LINGO2: variants seen among roughly 807,000 people sequenced by gnomAD.
LINGO2 encodes the protein leucine rich repeat and Ig domain containing 2, also known as leucine-rich repeat and immunoglobulin-like domain-containing nogo receptor-interacting protein 2.
LINGO2 carries 14 observed loss-of-function variants against 30.6 expected under a neutral mutation model. The observed-to-expected ratio is 0.46, with a 90% confidence interval of 0.30 to 0.72. LINGO2 has a LOEUF of 0.72. LINGO2 is among the 30% of genes least tolerant of loss of function. The probability of loss-of-function intolerance (pLI) is 0.07; values close to 1 mark genes in which losing one functional copy is unlikely to be tolerated. For missense variants in LINGO2, 729 were observed against 751.7 expected, an observed-to-expected ratio of 0.97 and a Z score of 0.35; for synonymous variants, 317 against 288.5, an observed-to-expected ratio of 1.10 and a Z score of -1.00.
intron 3 of LINGO2, among the ~76,000 whole-genome samples, chr9:28,307,945 G>T (rs976674887): frequency 1.3e-5 from 2 of 151,980 alleles, no homozygotes; most frequent in African/African-American, 4.8e-5. Context: ...ACAAAGAAAT[G>T]GAAGAACATT....
chr9:28,802,388 A>T, the LINGO2 span, among the ~76,000 whole-genome samples: 6 of 152,084 alleles, frequency 3.9e-5, no homozygotes, highest in Non-Finnish European at 8.8e-5. Flanking sequence ...AATCTGTAAG[A>T]TGAGCAGTTG....
intron 2 of LINGO2, 147 bp from the exon 5 acceptor site, chr9:28,373,015 G>A (rs1254604013): frequency 1.3e-5 from 2 of 151,684 alleles, no homozygotes; most frequent in Non-Finnish European, 2.9e-5. Flanking sequence ...ACTACAGAGA[G>A]AAAAAAAACT....
intron 4 of LINGO2, among the ~76,000 whole-genome samples, chr9:28,229,800 C>A (rs141155879): frequency 6.6e-6 from 1 of 151,784 alleles, no homozygotes; most frequent in Non-Finnish European, 1.5e-5. Flanking sequence ...GAGGAATAAA[C>A]GCTGAACTTT....
At chr9:28,367,406 T>C (rs767003164) in intron 3 of LINGO2, among the ~76,000 whole-genome samples, 3 of 152,194 alleles carry the variant, frequency 2.0e-5, no homozygotes, top group Non-Finnish European at 4.4e-5. Flanking sequence ...AGCTGGTCTG[T>C]TGAACTGGCT....
chr9:29,172,267 T>C, the LINGO2 span, among the ~76,000 whole-genome samples: 5 of 151,896 alleles, frequency 3.3e-5, no homozygotes, highest in East Asian at 1.9e-4. Flanking sequence ...TTAGCAAACA[T>C]AGATAATTTT....
chr9:28,227,357 A>G (rs754350568), intron 4 of LINGO2, among the ~76,000 whole-genome samples: 2 of 152,082 alleles, frequency 1.3e-5, no homozygotes, highest in Non-Finnish European at 2.9e-5. Context: ...GCTCAAGGAA[A>G]GAAAAAGGTT....
the LINGO2 span, among the ~76,000 whole-genome samples, chr9:29,053,570 A>C: frequency 6.6e-6 from 1 of 152,214 alleles, no homozygotes; most frequent in African/African-American, 2.4e-5. Flanking sequence ...ATAATAATAA[A>C]ATTAAAAGAA....
At chr9:28,782,451 C>T in the LINGO2 span, among the ~76,000 whole-genome samples, 3 of 151,868 alleles carry the variant, frequency 2.0e-5, no homozygotes, top group African/African-American at 7.3e-5. Flanking sequence ...TAGTGTAGTC[C>T]CAGAGGAATA....
At chr9:28,287,820 G>A (rs1342361881) in intron 4 of LINGO2, among the ~76,000 whole-genome samples, 1 of 152,134 alleles carries the variant, frequency 6.6e-6, no homozygotes, top group African/African-American at 2.4e-5. Context: ...GTGCATATGT[G>A]CACTGCTGTG....
chr9:28,879,242 C>A, the LINGO2 span, among the ~76,000 whole-genome samples: 68 of 148,394 alleles, frequency 4.6e-4, no homozygotes, highest in African/African-American at 1.7e-3. Flanking sequence ...TTCACAATTG[C>A]TTCTAGTATT....
intron 4 of LINGO2, among the ~76,000 whole-genome samples, chr9:28,181,087 C>T (rs1319535): frequency 0.62 from 94,567 of 151,814 alleles, 29,667 homozygotes; most frequent in Admixed American, 0.67. Context: ...CCAGGGTAAG[C>T]TGTTACAGCT....
intron 4 of LINGO2, among the ~76,000 whole-genome samples, chr9:28,132,092 C>T (rs1827393619): frequency 6.6e-6 from 1 of 152,110 alleles, no homozygotes; most frequent in Non-Finnish European, 1.5e-5. Context: ...CCAAAAAGTT[C>T]AAAGCTAAAT....
chr9:28,092,874 T>G (rs2133273629), intron 4 of LINGO2, among the ~76,000 whole-genome samples: 1 of 152,196 alleles, frequency 6.6e-6, no homozygotes, highest in East Asian at 1.9e-4. Flanking sequence ...TAGTTACTGT[T>G]TACTGAGCCC....
At chr9:28,043,343 C>A (rs887234833) in intron 4 of LINGO2, among the ~76,000 whole-genome samples, 1 of 152,202 alleles carries the variant, frequency 6.6e-6, no homozygotes, top group Non-Finnish European at 1.5e-5. Context: ...AACACTCACA[C>A]ATGAATAACT....
chr9:28,843,451 A>G, the LINGO2 span, among the ~76,000 whole-genome samples: 1 of 151,896 alleles, frequency 6.6e-6, no homozygotes, highest in Non-Finnish European at 1.5e-5. Flanking sequence ...AGAAATAGAT[A>G]AAGACATCAG....
At chr9:28,011,145 A>T (rs1822533032) in intron 5 of LINGO2, among the ~76,000 whole-genome samples, 1 of 152,222 alleles carries the variant, frequency 6.6e-6, no homozygotes, top group Non-Finnish European at 1.5e-5. Context: ...AGGGTTCAAG[A>T]GAATGAGAAA....
chr9:29,105,775 A>G, the LINGO2 span, among the ~76,000 whole-genome samples: 1 of 152,062 alleles, frequency 6.6e-6, no homozygotes, highest in Non-Finnish European at 1.5e-5. Flanking sequence ...TGAACTACCT[A>G]TGGAGGATGC....
chr9:28,848,193 CA>C, the LINGO2 span, among the ~76,000 whole-genome samples: 391 of 92,834 alleles, frequency 4.2e-3, 13 homozygotes, highest in African/African-American at 0.019. Flanking sequence ...TATATATACA[CA>C]TATATAGTAT....
In LINGO2 at chr9:28,260,846, G is replaced by A. The variant is rs561371057; in HGVS notation, c.-87+34362C>T. ...TCTCTGCAATGTGGTTGATGCTGGG[G>A]TTTTATAAATCAACTGGATATTCAG... On this transcript the variant is annotated intron_variant, in intron 4 of 5. Transcript: ENST00000379992. Among the ~76,000 whole-genome samples the A allele has an allele frequency of 5.9e-5, 9 of 151,978 alleles. No individual in the cohort carries two copies. The South Asian group carries it at 1.9e-3, about 32-fold the overall frequency.
Sources: allele counts gnomAD v4.1 joint callset (sites outside exome capture counted in the v4.1 genomes callset), GRCh38; gene constraint gnomAD v4.1.1; transcripts MANE v1.5; gene names NCBI Gene and HGNC (gene_info 2026-07-23, HGNC 2026-07-21).